Variants in MARCHF5 observed in about 807,000 individuals in gnomAD.
The protein encoded by MARCHF5 is E3 ubiquitin-protein ligase MARCHF5.
MARCHF5 carries 5 observed loss-of-function variants against 36.5 expected under a neutral mutation model. The observed-to-expected ratio is 0.14, with a 90% CI of 0.07 to 0.29. MARCHF5 has a LOEUF of 0.29. MARCHF5 is among the 10% of genes least tolerant of loss of function. The probability of loss-of-function intolerance (pLI) is 1.00; values close to 1 mark genes in which losing one functional copy is unlikely to be tolerated. For missense variants in MARCHF5, 179 were observed against 336.3 expected, an observed-to-expected ratio of 0.53 and a Z score of 3.66; for synonymous variants, 103 against 109.9, an observed-to-expected ratio of 0.94 and a Z score of 0.39.
chr10:92,350,057 C>A, intron 5 of MARCHF5: 1 of 491,454 alleles, frequency 2.0e-6, no homozygotes, highest in Non-Finnish European at 3.6e-6. Context: ...GGTGCTTTCT[C>A]TCCTGGCATA....
At chr10:92,307,944 CT>C (rs767555499) in intron 1 of MARCHF5, among the ~76,000 whole-genome samples, 3,702 of 141,900 alleles carry the variant, frequency 0.026, 139 homozygotes, top group African/African-American at 0.083. Flanking sequence ...TGCTTCCCCC[CT>C]TTTTTTTTTT....
chr10:92,345,788 G>A (rs998514888), intron 3 of MARCHF5, among the ~76,000 whole-genome samples: 3 of 145,030 alleles, frequency 2.1e-5, no homozygotes, highest in Non-Finnish European at 3.0e-5. Context: ...CGAACTCCCT[G>A]GGCTCAGGTG....
intron 1 of MARCHF5, among the ~76,000 whole-genome samples, chr10:92,303,963 C>T (rs1843044879): frequency 6.6e-6 from 1 of 152,088 alleles, no homozygotes; most frequent in South Asian, 2.1e-4. Flanking sequence ...TGAATATGCC[C>T]CAACTTGGTG....
chr10:92,344,938 T>C (rs995087779), intron 3 of MARCHF5, among the ~76,000 whole-genome samples: 2 of 152,222 alleles, frequency 1.3e-5, no homozygotes, highest in African/African-American at 2.4e-5. Flanking sequence ...ATTCCTAGTT[T>C]ACTGGTTTAG....
At chr10:92,318,641 G>GAA (rs369470158) in intron 2 of MARCHF5, among the ~76,000 whole-genome samples, 27 of 140,316 alleles carry the variant, frequency 1.9e-4, no homozygotes, top group Non-Finnish European at 3.3e-4. Context: ...AGAAAGAACG[G>GAA]AAAAAAAAAA....
At position 92,291,360 on chromosome 10, in the gene MARCHF5, C is replaced by T. The variant is rs1842857508; in HGVS notation, c.-135C>T. ...GCCGCCGCCAGGCTAGCGGAGCTGC[C>T]CCGGGAAGCTGGGTGACGGGTTCGC... On this transcript the variant is annotated 5_prime_UTR_variant, in exon 1 of 6. Coordinates refer to ENST00000358935, the MANE Select transcript of MARCHF5 (RefSeq NM_017824.5). 1.3e-6 allele frequency: 1 copy of T among 798,630 alleles called. No homozygotes were observed. Among genetic ancestry groups the T allele is most frequent in the Admixed American group, 2.1e-5 (1 of 48,176 alleles). The allele number at this position is 798,630 out of a possible 1,614,324, so 49.5% of individuals were successfully genotyped here.
intron 2 of MARCHF5, among the ~76,000 whole-genome samples, chr10:92,335,025 T>C (rs1381767380): frequency 1.3e-5 from 2 of 152,220 alleles, no homozygotes; most frequent in African/African-American, 4.8e-5. Context: ...TACAGTGCTA[T>C]TAGAAACATA....
intron 3 of MARCHF5, among the ~76,000 whole-genome samples, chr10:92,345,166 T>G (rs578045553): frequency 2.0e-5 from 3 of 147,438 alleles, no homozygotes; most frequent in African/African-American, 8.1e-5. Flanking sequence ...TATCCTTGAT[T>G]CTGAGTTAAA....
intron 1 of MARCHF5, among the ~76,000 whole-genome samples, chr10:92,310,808 G>T (rs1843135857): frequency 6.6e-6 from 1 of 152,094 alleles, no homozygotes. Flanking sequence ...GAATTATTAG[G>T]TCTTATAACA....
intron 1 of MARCHF5, among the ~76,000 whole-genome samples, chr10:92,301,961 T>C (rs1843019127): frequency 6.6e-6 from 1 of 152,082 alleles, no homozygotes; most frequent in African/African-American, 2.4e-5. Context: ...CTTGGGAGGC[T>C]GAGGCAGGAG....
chr10:92,296,759 A>G (rs570456163), intron 1 of MARCHF5, among the ~76,000 whole-genome samples: 5 of 152,308 alleles, frequency 3.3e-5, no homozygotes, highest in East Asian at 3.9e-4. Flanking sequence ...AGAGTGGTCT[A>G]TTCTTCCAGC....
rs138495579 is a variant in MARCHF5, at chr10:92,295,344, G to A, written c.35+3815G>A. 7.3e-3 allele frequency among the ~76,000 whole-genome samples: 840 copies of A among 115,654 alleles called. 13 individuals carry two copies. The highest frequency in any genetic ancestry group is 0.025 in the African/African-American group (809 of 32,368). The allele number at this position is 115,654 out of a possible 152,430, so 75.9% of individuals were successfully genotyped here. ...TTTTTTTTTTTTTTTTTTTTTTGAG[G>A]CGAAGTCTCACTCTGTCACTTGGGC... On this transcript the variant is annotated intron_variant, in intron 1 of 5. Coordinates refer to ENST00000358935, the MANE Select transcript of MARCHF5 (RefSeq NM_017824.5).
chr10:92,293,135 T>A (rs541389706), intron 1 of MARCHF5, among the ~76,000 whole-genome samples: 15 of 152,112 alleles, frequency 9.9e-5, no homozygotes, highest in Non-Finnish European at 1.8e-4. Flanking sequence ...TTGCCCAGAC[T>A]GGAATGCAGT....
chr10:92,331,509 A>T (rs1259788316), intron 2 of MARCHF5, among the ~76,000 whole-genome samples: 3 of 151,924 alleles, frequency 2.0e-5, no homozygotes, highest in Admixed American at 2.0e-4. Context: ...TTAATTTTGC[A>T]TTGGAAGTTT....
chr10:92,332,351 G>C (rs1240064948), intron 2 of MARCHF5, among the ~76,000 whole-genome samples: 4 of 151,904 alleles, frequency 2.6e-5, no homozygotes, highest in Non-Finnish European at 4.4e-5. Context: ...CATAAAGATG[G>C]TGAAATCTCA....
chr10:92,311,716 TC>T (rs1016846139), intron 2 of MARCHF5, among the ~76,000 whole-genome samples: 1 of 152,224 alleles, frequency 6.6e-6, no homozygotes, highest in Non-Finnish European at 1.5e-5. Context: ...TTCTAATACT[TC>T]TCCTTAATTC....
At chr10:92,308,947 C>T (rs544894290) in intron 1 of MARCHF5, among the ~76,000 whole-genome samples, 85 of 152,188 alleles carry the variant, frequency 5.6e-4, no homozygotes, top group African/African-American at 1.7e-3. Flanking sequence ...CCTTGTGATC[C>T]GCCCGCTTCA....
intron 2 of MARCHF5, among the ~76,000 whole-genome samples, chr10:92,339,656 C>T (rs1016206452): frequency 1.3e-5 from 2 of 151,890 alleles, no homozygotes; most frequent in East Asian, 3.9e-4. Flanking sequence ...GGCGACAGAG[C>T]GAGACTCCAT....
intron 2 of MARCHF5, among the ~76,000 whole-genome samples, chr10:92,326,098 G>C (rs1843355216): frequency 6.6e-6 from 1 of 152,174 alleles, no homozygotes; most frequent in African/African-American, 2.4e-5. Flanking sequence ...TAAATGCTTA[G>C]AAGGGAAAGA....
Sources: allele counts gnomAD v4.1 joint callset (sites outside exome capture counted in the v4.1 genomes callset), GRCh38; gene constraint gnomAD v4.1.1; transcripts MANE v1.5; gene names NCBI Gene and HGNC (gene_info 2026-07-23, HGNC 2026-07-21).